CLMP: variants seen among roughly 807,000 people sequenced by gnomAD.
CLMP encodes the protein CXADR like cell adhesion molecule, also known as CXADR-like membrane protein.
Under a neutral mutation model 45.2 loss-of-function variants are expected in CLMP, and 27 were observed. The observed-to-expected ratio is 0.60, with a 90% CI of 0.44 to 0.82. The LOEUF (loss-of-function observed/expected upper bound fraction) is 0.82. Among genes scored for constraint, CLMP ranks in the 40% least tolerant of loss-of-function variants. The pLI is 0.00. For missense variants in CLMP, 403 were observed against 448.4 expected (o/e 0.90, Z 0.91); for synonymous variants, 167 against 171.4 (o/e 0.97, Z 0.20).
chr11:123,150,820 G>A (rs955196661), intron 1 of CLMP, among the ~76,000 whole-genome samples: 6 of 152,150 alleles, frequency 3.9e-5, no homozygotes, highest in Non-Finnish European at 8.8e-5. Context: ...GGGTTCAAGT[G>A]AGTCTCATAC....
intron 1 of CLMP, among the ~76,000 whole-genome samples, chr11:123,179,852 T>A (rs1861746626): frequency 6.6e-6 from 1 of 152,200 alleles, no homozygotes; most frequent in Admixed American, 6.5e-5. Context: ...CCCTAACTTC[T>A]CTGAGCCTCT....
intron 1 of CLMP, among the ~76,000 whole-genome samples, chr11:123,173,768 C>T (rs1185887862): frequency 2.0e-5 from 3 of 152,108 alleles, no homozygotes; most frequent in African/African-American, 7.2e-5. Context: ...TGCCGCACTC[C>T]TTCACCACAT....
chr11:123,154,012 C>T (rs1368823415), intron 1 of CLMP, among the ~76,000 whole-genome samples: 1 of 152,024 alleles, frequency 6.6e-6, no homozygotes, highest in Non-Finnish European at 1.5e-5. Flanking sequence ...GGCTTTTCTT[C>T]CTTTGGTTCT....
At chr11:123,137,882 C>G (rs1264742837) in intron 1 of CLMP, among the ~76,000 whole-genome samples, 1 of 152,188 alleles carries the variant, frequency 6.6e-6, no homozygotes. Flanking sequence ...CTTTTTACGT[C>G]TCCTTTGTCC....
chr11:123,112,933 C>T (rs558601470), intron 1 of CLMP, among the ~76,000 whole-genome samples: 72 of 152,152 alleles, frequency 4.7e-4, no homozygotes, highest in African/African-American at 1.7e-3. Flanking sequence ...GCCACCACGC[C>T]CTGCTAATTT....
chr11:123,137,029 A>G (rs1242056614), intron 1 of CLMP, among the ~76,000 whole-genome samples: 3 of 151,904 alleles, frequency 2.0e-5, no homozygotes, highest in Non-Finnish European at 4.4e-5. Context: ...TCCCATGTCC[A>G]GTTTCCCGAG....
intron 1 of CLMP, among the ~76,000 whole-genome samples, chr11:123,192,227 TAA>T (rs1451500104): frequency 6.6e-6 from 1 of 152,204 alleles, no homozygotes; most frequent in African/African-American, 2.4e-5. Context: ...TGACATTATG[TAA>T]AGTCTTTGAT....
chr11:123,173,596 A>G (rs1242307753), intron 1 of CLMP, among the ~76,000 whole-genome samples: 2 of 152,164 alleles, frequency 1.3e-5, no homozygotes, highest in Non-Finnish European at 2.9e-5. Context: ...TAAGGTATAT[A>G]CTAGTTTGTG....
intron 1 of CLMP, among the ~76,000 whole-genome samples, chr11:123,182,021 C>T (rs1591489328): frequency 6.6e-6 from 1 of 152,192 alleles, no homozygotes. Context: ...AAGGCTGCTC[C>T]GCAATCCTAG....
intron 1 of CLMP, among the ~76,000 whole-genome samples, chr11:123,167,308 C>T (rs58277773): frequency 0.033 from 5,044 of 152,182 alleles, 281 homozygotes; most frequent in African/African-American, 0.11. Context: ...TCTTTTGAGA[C>T]GGAGTTTCAC....
rs986692206 is a variant in CLMP, at chr11:123,073,422, A to G, written c.*52T>C. 15 of 1,535,352 alleles carry G rather than the reference A, an allele frequency of 9.8e-6. No individual in the cohort carries two copies. In the Admixed American group the frequency reaches 2.9e-4, roughly 29 times the overall value. ...TGACTTGAGCTCCAATGACGAGAAG[A>G]GTCCAAAGACCCTGACTCCTAGGAA... On this transcript the variant is annotated 3_prime_UTR_variant, in exon 7 of 7. Transcript: ENST00000448775.
chr11:123,147,049 C>G (rs1861249060), intron 1 of CLMP, among the ~76,000 whole-genome samples: 1 of 152,228 alleles, frequency 6.6e-6, no homozygotes, highest in African/African-American at 2.4e-5. Context: ...CTGCTTAATG[C>G]AAACTCTCAC....
intron 1 of CLMP, among the ~76,000 whole-genome samples, chr11:123,101,589 G>GGCCCTCA (rs1565382402): frequency 6.6e-6 from 1 of 152,190 alleles, no homozygotes; most frequent in African/African-American, 2.4e-5. Context: ...AGACTGCTGG[G>GGCCCTCA]GAGGAGCCCT....
At chr11:123,104,128 CTTTTTTTTTTTT>C (rs1241735527) in intron 1 of CLMP, among the ~76,000 whole-genome samples, 28 of 72,394 alleles carry the variant, frequency 3.9e-4, no homozygotes, top group African/African-American at 1.6e-3. Context: ...CCATGCCTGG[CTTTTTTTTTTTT>C]TTTTTTTTTT....
chr11:123,086,983 C>T (rs1474064342), intron 2 of CLMP, among the ~76,000 whole-genome samples: 2 of 152,180 alleles, frequency 1.3e-5, no homozygotes, highest in Non-Finnish European at 2.9e-5. Context: ...CACTTGAAGT[C>T]AGGAGTTTGA....
At chr11:123,178,271 C>A (rs1376864669) in intron 1 of CLMP, among the ~76,000 whole-genome samples, 1 of 152,222 alleles carries the variant, frequency 6.6e-6, no homozygotes, top group African/African-American at 2.4e-5. Context: ...TTAGACTCCC[C>A]TGAAGAGCCT....
At chr11:123,150,480 A>AAAGAAAGAAAGG (rs764502298) in intron 1 of CLMP, among the ~76,000 whole-genome samples, 167 of 40,558 alleles carry the variant, frequency 4.1e-3, no homozygotes, top group East Asian at 5.3e-3. Flanking sequence ...AGAAAGAAAG[A>AAAGAAAGAAAGG]AAGGAAGGAA....
chr11:123,155,749 A>T (rs1861404263), intron 1 of CLMP, among the ~76,000 whole-genome samples: 1 of 152,164 alleles, frequency 6.6e-6, no homozygotes, highest in African/African-American at 2.4e-5. Flanking sequence ...ATTGAATAAG[A>T]CTGAGCTTTG....
chr11:123,106,422 T>TGTGC (rs757809520), intron 1 of CLMP, among the ~76,000 whole-genome samples: 1 of 86,274 alleles, frequency 1.2e-5, no homozygotes, highest in Non-Finnish European at 2.4e-5. Context: ...TGTGTGTGTG[T>TGTGC]GTGCGCGCGC....
Sources: allele counts gnomAD v4.1 joint callset (sites outside exome capture counted in the v4.1 genomes callset), GRCh38; gene constraint gnomAD v4.1.1; transcripts MANE v1.5; gene names NCBI Gene and HGNC (gene_info 2026-07-23, HGNC 2026-07-21).